The following SIPA1L2 variants were observed in gnomAD, a reference collection of about 807,000 sequenced individuals.
SIPA1L2 encodes signal induced proliferation associated 1 like 2.
A neutral mutation model predicts 163.9 loss-of-function variants in SIPA1L2; 56 were observed. That is an observed-to-expected ratio of 0.34 (90% confidence interval 0.28 to 0.43). SIPA1L2 has a LOEUF of 0.43. SIPA1L2 is among the 20% of genes least tolerant of loss of function. The pLI is 1.00. For synonymous variants in SIPA1L2, 877 were observed against 865.7 expected, an observed-to-expected ratio of 1.01 and a Z score of -0.23; for missense variants, 1,974 against 2,193.5, an observed-to-expected ratio of 0.90 and a Z score of 2.00.
intron 19 of SIPA1L2, among the ~76,000 whole-genome samples, chr1:232,410,891 A>G (rs4649369): frequency 0.7 from 106,089 of 152,024 alleles, 38,710 homozygotes; most frequent in East Asian, 0.94. Context: ...GCCAGAAGCT[A>G]GGGGTTAGGG....
chr1:232,533,214 G>A (rs1415006835), intron 2 of SIPA1L2, among the ~76,000 whole-genome samples: 5 of 152,144 alleles, frequency 3.3e-5, no homozygotes, highest in African/African-American at 9.7e-5. Context: ...AGTTCCTCAG[G>A]TGTTTCTAGT....
chr1:232,491,548 A>G (rs539473392), intron 4 of SIPA1L2, among the ~76,000 whole-genome samples: 52 of 152,322 alleles, frequency 3.4e-4, no homozygotes, highest in African/African-American at 1.2e-3. Context: ...GGGGAGCAGC[A>G]GCCAGTGGTA....
At chr1:232,462,638 G>C (rs1405598046) in intron 9 of SIPA1L2, among the ~76,000 whole-genome samples, 1 of 152,222 alleles carries the variant, frequency 6.6e-6, no homozygotes, top group East Asian at 1.9e-4. Flanking sequence ...ACTTGAAGAA[G>C]TAGTTCTGTA....
intron 1 of SIPA1L2, among the ~76,000 whole-genome samples, chr1:232,574,707 A>C (rs1460089936): frequency 2.0e-5 from 3 of 152,208 alleles, no homozygotes; most frequent in Non-Finnish European, 2.9e-5. Flanking sequence ...ATGGAATTCC[A>C]ATAATTTTTA....
At position 232,465,873 on chromosome 1, in the gene SIPA1L2, G is replaced by A. The variant is rs1664486041; in HGVS notation, c.2244-457C>T. On this transcript the variant is annotated intron_variant, in intron 8 of 22. Transcript: ENST00000674635. The surrounding 1 kb of genome is among the most constrained non-coding windows in gnomAD (Gnocchi z 4.1). The stretch of plus-strand genomic sequence containing the variant: ...TTACAAAGAGACACCAGGGATGTAT[G>A]CACACAGAAAGAAGACCATGTGAAG... Among the ~76,000 whole-genome samples the A allele has an allele frequency of 6.6e-6, 1 of 151,780 alleles. No individual in the cohort carries two copies. Among genetic ancestry groups the A allele is most frequent in the African/African-American group, 2.4e-5 (1 of 41,328 alleles).
chr1:232,580,290 C>T (rs1242885901), intron 1 of SIPA1L2, among the ~76,000 whole-genome samples: 1 of 152,090 alleles, frequency 6.6e-6, no homozygotes, highest in Non-Finnish European at 1.5e-5. Context: ...ATGAGGATGA[C>T]CAGAGGTCAC....
intron 2 of SIPA1L2, among the ~76,000 whole-genome samples, chr1:232,544,034 C>T (rs1027517955): frequency 6.6e-6 from 1 of 152,026 alleles, no homozygotes; most frequent in Non-Finnish European, 1.5e-5. Context: ...TCTAAAATTA[C>T]GGTTAATATT....
intron 19 of SIPA1L2, among the ~76,000 whole-genome samples, chr1:232,407,303 AG>A (rs1660698768): frequency 1.3e-5 from 2 of 152,142 alleles, no homozygotes; most frequent in Non-Finnish European, 1.5e-5. Context: ...TGTTACCACT[AG>A]GAGTTACTCA....
intron 1 of SIPA1L2, among the ~76,000 whole-genome samples, chr1:232,609,203 A>T (rs4649276): frequency 0.55 from 83,424 of 152,020 alleles, 24,163 homozygotes; most frequent in East Asian, 0.75. Context: ...TTAGTTGTCA[A>T]CTTTAATACA....
chr1:232,487,039 G>A (rs551228089), intron 5 of SIPA1L2, among the ~76,000 whole-genome samples: 1 of 152,340 alleles, frequency 6.6e-6, no homozygotes, highest in East Asian at 1.9e-4. Flanking sequence ...TCCTGGGATA[G>A]AACTAGGCTT....
At chr1:232,533,193 A>C (rs1306239724) in intron 2 of SIPA1L2, among the ~76,000 whole-genome samples, 1 of 152,216 alleles carries the variant, frequency 6.6e-6, no homozygotes, top group East Asian at 1.9e-4. Flanking sequence ...GCCCCCAGAC[A>C]GTTTTTAACA....
rs1223586615 is a variant in SIPA1L2, at chr1:232,399,882, A to C, written c.5023-609T>G. ...CTGCTGAAAGGGATGCCTTGCCCTA[A>C]ATGAATAGAGGGGTCACTGTCAGAT... On this transcript the variant is annotated intron_variant, in intron 22 of 22. Coordinates refer to ENST00000674635, the MANE Select transcript of SIPA1L2 (RefSeq NM_020808.5). 2.0e-5 allele frequency among the ~76,000 whole-genome samples: 3 copies of C among 152,292 alleles called. No homozygotes were observed. The East Asian group carries it at 5.8e-4, about 29-fold the overall frequency.
intron 1 of SIPA1L2, among the ~76,000 whole-genome samples, chr1:232,576,667 G>A (rs1020185966): frequency 5.3e-5 from 8 of 152,172 alleles, no homozygotes; most frequent in African/African-American, 1.7e-4. Context: ...AAAACAGGCC[G>A]AAAGCTAAGC....
chr1:232,518,432 T>G (rs945066890), intron 2 of SIPA1L2, among the ~76,000 whole-genome samples: 2 of 152,164 alleles, frequency 1.3e-5, no homozygotes, highest in Admixed American at 1.3e-4. Context: ...GGATCCCATC[T>G]CCTTGTAACT....
At chr1:232,573,142 T>C (rs1659893434) in intron 2 of SIPA1L2, among the ~76,000 whole-genome samples, 1 of 151,848 alleles carries the variant, frequency 6.6e-6, no homozygotes, top group Non-Finnish European at 1.5e-5. Context: ...CCAACACGCA[T>C]AAAAGACAAA....
rs1424696871 is a variant in SIPA1L2 at position 232,629,918 on chromosome 1, G to T, written c.-368C>A. On this transcript the variant is annotated 5_prime_UTR_variant, in exon 1 of 23. Transcript: ENST00000674635. ...CTGCTACAGCCTGTGCGCGCCGGGC[G>T]GCGCGTACCCGGGCTGCCGCCTCGC... Among the ~76,000 whole-genome samples, 2 of 150,954 alleles carry T rather than the reference G, an allele frequency of 1.3e-5. No homozygotes were observed. Among genetic ancestry groups the T allele is most frequent in the Non-Finnish European group, 3.0e-5 (2 of 67,468 alleles).
chr1:232,412,737 A>G (rs937830731), intron 19 of SIPA1L2, among the ~76,000 whole-genome samples: 5 of 152,202 alleles, frequency 3.3e-5, no homozygotes, highest in African/African-American at 1.2e-4. Flanking sequence ...TAAGCTGGCT[A>G]CTGTCTCACC....
At chr1:232,423,302 C>T (rs561002424) in intron 18 of SIPA1L2, among the ~76,000 whole-genome samples, 49 of 152,052 alleles carry the variant, frequency 3.2e-4, no homozygotes, top group Non-Finnish European at 6.9e-4. Flanking sequence ...TGGACATGGC[C>T]CCATCGTAAG....
intron 2 of SIPA1L2, among the ~76,000 whole-genome samples, chr1:232,538,647 T>C (rs1474267535): frequency 6.6e-6 from 1 of 152,034 alleles, no homozygotes; most frequent in African/African-American, 2.4e-5. Context: ...TCCTACTTCA[T>C]ATAATCTTAA....
Sources: gnomAD v4.1 joint callset for allele counts (sites outside exome capture counted in the v4.1 genomes callset) on GRCh38, gnomAD v4.1.1 for gene constraint, Gnocchi (gnomAD v3.1) non-coding constraint, MANE v1.5 for transcripts, NCBI Gene and HGNC (gene_info 2026-07-23, HGNC 2026-07-21) for gene names.